Variants in GRID1 observed in about 807,000 individuals in gnomAD.
GRID1 encodes the protein glutamate ionotropic receptor delta type subunit 1.
In GRID1, 28 loss-of-function variants were observed where a neutral mutation model predicts 98.0. The observed-to-expected ratio is 0.29, with a 90% CI of 0.21 to 0.39. GRID1 has a LOEUF of 0.39. Ranked by LOEUF, GRID1 falls within the 10% of genes least tolerant of loss-of-function variation. GRID1 has a pLI of 1.00. For synonymous variants in GRID1, 553 were observed against 538.5 expected (o/e 1.03, Z -0.37); for missense variants, 1,111 against 1,340.5 (o/e 0.83, Z 2.67).
chr10:86,226,133 G>T (rs899003870), intron 2 of GRID1, among the ~76,000 whole-genome samples: 1 of 151,974 alleles, frequency 6.6e-6, no homozygotes, highest in Non-Finnish European at 1.5e-5. Context: ...AGGACATCCC[G>T]GAAGACCTCA....
At chr10:86,198,430 C>T (rs752099967) in intron 3 of GRID1, among the ~76,000 whole-genome samples, 3 of 152,052 alleles carry the variant, frequency 2.0e-5, no homozygotes, top group Non-Finnish European at 4.4e-5. Flanking sequence ...ACCAGGTCTG[C>T]CTTGGGAAGC....
chr10:86,231,720 C>T (rs1429703569), intron 2 of GRID1, among the ~76,000 whole-genome samples: 1 of 152,180 alleles, frequency 6.6e-6, no homozygotes, highest in Non-Finnish European at 1.5e-5. Context: ...TATTATTAAC[C>T]ACCACAGGAG....
intron 4 of GRID1, among the ~76,000 whole-genome samples, chr10:85,965,487 G>C (rs1261811081): frequency 6.6e-6 from 1 of 152,136 alleles, no homozygotes; most frequent in East Asian, 1.9e-4. Flanking sequence ...TCCTTTGCAG[G>C]GACATGGATG....
intron 3 of GRID1, among the ~76,000 whole-genome samples, chr10:86,150,234 G>A (rs758569145): frequency 5.3e-5 from 8 of 152,224 alleles, no homozygotes; most frequent in African/African-American, 1.7e-4. Flanking sequence ...CCCAGTGAGA[G>A]GCTCGCCTCC....
At chr10:85,757,927 C>A (rs1842114358) in intron 8 of GRID1, among the ~76,000 whole-genome samples, 1 of 152,204 alleles carries the variant, frequency 6.6e-6, no homozygotes, top group Non-Finnish European at 1.5e-5. Flanking sequence ...AAGCTCCAAC[C>A]AGAACAGAAA....
chr10:85,620,118 T>C, intron 13 of GRID1, 85 bp from the exon 14 acceptor site: 1 of 1,120,934 alleles, frequency 8.9e-7, no homozygotes, highest in Non-Finnish European at 1.3e-6. Context: ...ATGGTGGGAT[T>C]TGAGGGACCC....
At chr10:86,356,381 G>A (rs897938509) in intron 2 of GRID1, among the ~76,000 whole-genome samples, 1 of 152,262 alleles carries the variant, frequency 6.6e-6, no homozygotes, top group Non-Finnish European at 1.5e-5. Flanking sequence ...AGGCAATTCT[G>A]TTGCTCACCA....
intron 2 of GRID1, among the ~76,000 whole-genome samples, chr10:86,359,649 C>T (rs931370670): frequency 3.9e-5 from 6 of 152,296 alleles, no homozygotes; most frequent in South Asian, 2.1e-4. Flanking sequence ...TTCCACACTG[C>T]GACAGGTATA....
At chr10:85,728,782 G>A (rs534262237) in intron 9 of GRID1, among the ~76,000 whole-genome samples, 2 of 152,212 alleles carry the variant, frequency 1.3e-5, no homozygotes, top group African/African-American at 4.8e-5. Context: ...TAGTTGTGTT[G>A]GGAAATAGGG....
chr10:86,064,660 C>T (rs1250081323), intron 4 of GRID1, among the ~76,000 whole-genome samples: 1 of 152,170 alleles, frequency 6.6e-6, no homozygotes, highest in Non-Finnish European at 1.5e-5. Flanking sequence ...TCCCTGCTAC[C>T]TCTCACCTCT....
intron 4 of GRID1, among the ~76,000 whole-genome samples, chr10:86,029,774 T>G (rs1843160995): frequency 6.6e-6 from 1 of 152,092 alleles, no homozygotes; most frequent in African/African-American, 2.4e-5. Context: ...ATGCTAGTTC[T>G]GGGCAATTAA....
chr10:85,632,755 C>A (rs372237472), intron 13 of GRID1, among the ~76,000 whole-genome samples: 1 of 152,170 alleles, frequency 6.6e-6, no homozygotes, highest in Non-Finnish European at 1.5e-5. Flanking sequence ...GTGTGGGATA[C>A]ATGTGCAAGA....
At chr10:86,171,219 A>G (rs1845482547) in intron 3 of GRID1, among the ~76,000 whole-genome samples, 1 of 152,260 alleles carries the variant, frequency 6.6e-6, no homozygotes, top group Non-Finnish European at 1.5e-5. Context: ...CTTAAATTAA[A>G]GGGATGGTTC....
chr10:86,145,542 C>CCACATACACACACA (rs1554855889), intron 3 of GRID1, among the ~76,000 whole-genome samples: 1 of 148,332 alleles, frequency 6.7e-6, no homozygotes, highest in Non-Finnish European at 1.5e-5. Flanking sequence ...TGGACATCCT[C>CCACATACACACACA]CACATACACA....
chr10:86,231,409 C>T (rs983921911), intron 2 of GRID1, among the ~76,000 whole-genome samples: 1 of 152,172 alleles, frequency 6.6e-6, no homozygotes, highest in African/African-American at 2.4e-5. Flanking sequence ...GAGGCTCTGG[C>T]TCTAATGGCC....
intron 12 of GRID1, among the ~76,000 whole-genome samples, chr10:85,697,256 C>T (rs1314978050): frequency 6.6e-6 from 1 of 151,634 alleles, no homozygotes; most frequent in Non-Finnish European, 1.5e-5. Flanking sequence ...TCTACTTATT[C>T]CACTAGATTT....
intron 4 of GRID1, among the ~76,000 whole-genome samples, chr10:85,977,472 G>T (rs888063381): frequency 6.6e-6 from 1 of 152,140 alleles, no homozygotes; most frequent in African/African-American, 2.4e-5. Flanking sequence ...CCTCTGATCT[G>T]AATTCAGCCC....
At chr10:86,306,551 G>A (rs1306043708) in intron 2 of GRID1, among the ~76,000 whole-genome samples, 1 of 152,216 alleles carries the variant, frequency 6.6e-6, no homozygotes, top group African/African-American at 2.4e-5. Context: ...GGGACTTCAA[G>A]ATGAAGGCCT....
intron 12 of GRID1, among the ~76,000 whole-genome samples, chr10:85,653,441 G>A (rs1840854064): frequency 6.6e-6 from 1 of 152,160 alleles, no homozygotes; most frequent in Non-Finnish European, 1.5e-5. Flanking sequence ...AGGCCTGCTG[G>A]GGCTGTCCTG....
Sources: gnomAD v4.1 joint callset for allele counts (sites outside exome capture counted in the v4.1 genomes callset) on GRCh38, gnomAD v4.1.1 for gene constraint, MANE v1.5 for transcripts, NCBI Gene and HGNC (gene_info 2026-07-23, HGNC 2026-07-21) for gene names.